GRID2: variants seen among roughly 807,000 people sequenced by gnomAD.
GRID2 encodes glutamate ionotropic receptor delta type subunit 2, also known as glutamate receptor ionotropic, delta-2.
A neutral mutation model predicts 114.8 loss-of-function variants in GRID2; 33 were observed. The observed-to-expected ratio is 0.29, with a 90% CI of 0.22 to 0.38. The LOEUF (loss-of-function observed/expected upper bound fraction) is 0.38, where lower values mean the gene tolerates loss of function less well. Among genes scored for constraint, GRID2 ranks in the 10% least tolerant of loss-of-function variants. GRID2 has a pLI of 1.00. For missense variants in GRID2, 1,184 were observed against 1,257.7 expected (o/e 0.94, Z 0.89); for synonymous variants, 505 against 449.9 (o/e 1.12, Z -1.55).
chr4:92,447,770 A>G (rs759337533), intron 1 of GRID2, among the ~76,000 whole-genome samples: 3 of 152,172 alleles, frequency 2.0e-5, no homozygotes, highest in Non-Finnish European at 4.4e-5. Flanking sequence ...GAAGCAAGCT[A>G]ACATTCTGAG....
At chr4:93,226,079 A>G (rs540265521) in intron 7 of GRID2, among the ~76,000 whole-genome samples, 1 of 152,302 alleles carries the variant, frequency 6.6e-6, no homozygotes, top group Non-Finnish European at 1.5e-5. Flanking sequence ...AATAGCAATT[A>G]AGTTTCAATG....
chr4:92,918,553 T>C (rs1042147998), intron 2 of GRID2, among the ~76,000 whole-genome samples: 6 of 152,214 alleles, frequency 3.9e-5, no homozygotes, highest in Admixed American at 1.3e-4. Context: ...GGAGAGTTTT[T>C]AGCATGAAGG....
At chr4:92,503,100 T>C (rs1723771822) in intron 1 of GRID2, among the ~76,000 whole-genome samples, 1 of 152,144 alleles carries the variant, frequency 6.6e-6, no homozygotes, top group Non-Finnish European at 1.5e-5. Context: ...CACAGTTTTA[T>C]GTAAACGCTT....
At chr4:93,737,020 A>G (rs1402620881) in intron 14 of GRID2, among the ~76,000 whole-genome samples, 1 of 152,002 alleles carries the variant, frequency 6.6e-6, no homozygotes, top group Non-Finnish European at 1.5e-5. Flanking sequence ...TCACCTTACC[A>G]TGTACTATCT....
chr4:93,110,200 C>A (rs1188964876), intron 3 of GRID2, among the ~76,000 whole-genome samples: 1 of 152,070 alleles, frequency 6.6e-6, no homozygotes. Context: ...GATTAAAATG[C>A]AGCTTTTATT....
chr4:93,179,982 G>T (rs1411855624), intron 4 of GRID2, among the ~76,000 whole-genome samples: 1 of 152,068 alleles, frequency 6.6e-6, no homozygotes, highest in Non-Finnish European at 1.5e-5. Flanking sequence ...CTCGGAATAC[G>T]TGCTGTTTGA....
intron 1 of GRID2, among the ~76,000 whole-genome samples, chr4:92,470,875 A>T (rs1240734054): frequency 6.6e-6 from 1 of 152,048 alleles, no homozygotes; most frequent in African/African-American, 2.4e-5. Flanking sequence ...TTTAAAAATG[A>T]TGCTTTCAAA....
intron 2 of GRID2, among the ~76,000 whole-genome samples, chr4:93,067,618 G>T (rs1269553412): frequency 6.6e-6 from 1 of 151,824 alleles, no homozygotes; most frequent in Non-Finnish European, 1.5e-5. Flanking sequence ...CATACATTCA[G>T]ACCATAGCAC....
Position 93,498,089 on chromosome 4 carries a change from T to C in GRID2, c.1997+7312T>C, listed in dbSNP as rs184982389. Among the ~76,000 whole-genome samples, 5 of 151,996 alleles carry C rather than the reference T, an allele frequency of 3.3e-5. No homozygotes were observed. The East Asian group carries it at 7.8e-4, about 24-fold the overall frequency. ...TTTTTCTCAGTGATTACAAACGTTC[T>C]TGGTATCTCGATCCATTTGTGCTGC... On this transcript the variant is annotated intron_variant, in intron 12 of 15. Transcript: ENST00000282020.
At chr4:92,744,621 C>G (rs746830549) in intron 2 of GRID2, among the ~76,000 whole-genome samples, 3 of 152,030 alleles carry the variant, frequency 2.0e-5, no homozygotes, top group Non-Finnish European at 4.4e-5. Flanking sequence ...CCCAATGAAT[C>G]TGGTACACCC....
chr4:93,532,813 G>C (rs1370302255), intron 13 of GRID2, among the ~76,000 whole-genome samples: 4 of 152,004 alleles, frequency 2.6e-5, no homozygotes, highest in African/African-American at 9.7e-5. Flanking sequence ...TTTAGAAATT[G>C]CTCCACATAT....
intron 8 of GRID2, among the ~76,000 whole-genome samples, chr4:93,280,121 G>C (rs1438419651): frequency 6.6e-6 from 1 of 151,902 alleles, no homozygotes; most frequent in East Asian, 1.9e-4. Context: ...TCTGTGATAG[G>C]ATTTTGTGAC....
chr4:92,767,115 C>T (rs1012430069), intron 2 of GRID2, among the ~76,000 whole-genome samples: 1 of 152,126 alleles, frequency 6.6e-6, no homozygotes, highest in Non-Finnish European at 1.5e-5. Flanking sequence ...TTTAAAGCAC[C>T]TCTTTACCCT....
intron 1 of GRID2, among the ~76,000 whole-genome samples, chr4:93,784,373 G>T (rs942793764): frequency 6.6e-6 from 1 of 152,096 alleles, no homozygotes; most frequent in Non-Finnish European, 1.5e-5. Flanking sequence ...CGCCTCAGCT[G>T]AGATTCCTTC....
At chr4:92,957,274 T>A (rs1236536803) in intron 2 of GRID2, among the ~76,000 whole-genome samples, 3 of 152,094 alleles carry the variant, frequency 2.0e-5, no homozygotes, top group Non-Finnish European at 4.4e-5. Context: ...TGTAGGAGTT[T>A]AATATTTTTG....
intron 7 of GRID2, among the ~76,000 whole-genome samples, chr4:93,236,361 C>T (rs1746796278): frequency 6.6e-6 from 1 of 151,964 alleles, no homozygotes; most frequent in South Asian, 2.1e-4. Flanking sequence ...GTTCTTTCTT[C>T]CCACACTGGA....
chr4:92,692,100 C>A (rs946192235), intron 2 of GRID2, among the ~76,000 whole-genome samples: 7 of 152,226 alleles, frequency 4.6e-5, no homozygotes, highest in Admixed American at 3.9e-4. Context: ...GAGCCCCCTA[C>A]CAACATTTTT....
intron 4 of GRID2, among the ~76,000 whole-genome samples, chr4:93,190,896 TAATATA>T (rs1367987204): frequency 6.6e-6 from 1 of 152,032 alleles, no homozygotes; most frequent in Non-Finnish European, 1.5e-5. Context: ...ATTTTCAATA[TAATATA>T]AATATGATTT....
At chr4:93,573,687 G>A (rs1736142238) in intron 13 of GRID2, among the ~76,000 whole-genome samples, 1 of 152,034 alleles carries the variant, frequency 6.6e-6, no homozygotes, top group Non-Finnish European at 1.5e-5. Context: ...TAAGGACTAT[G>A]GTGCTAACAT....
Sources: gnomAD v4.1 joint callset for allele counts (sites outside exome capture counted in the v4.1 genomes callset) on GRCh38, gnomAD v4.1.1 for gene constraint, MANE v1.5 for transcripts, NCBI Gene and HGNC (gene_info 2026-07-23, HGNC 2026-07-21) for gene names.